The following KIF21A variants were observed in gnomAD, a reference collection of about 807,000 sequenced individuals.
The protein encoded by KIF21A is kinesin family member 21A.
KIF21A carries 114 observed loss-of-function variants against 202.9 expected under a neutral mutation model. The ratio of observed to expected loss-of-function variants is 0.56; its 90% CI spans 0.48 to 0.66. KIF21A has a LOEUF of 0.66. Ranked by LOEUF, KIF21A falls within the 30% of genes least tolerant of loss-of-function variation. The pLI, the probability that KIF21A is intolerant of heterozygous loss-of-function variation, is 0.00. For missense variants in KIF21A, 1,677 were observed against 1,994.9 expected, an observed-to-expected ratio of 0.84 and a Z score of 3.04; for synonymous variants, 667 against 670.8, an observed-to-expected ratio of 0.99 and a Z score of 0.09.
chr12:39,429,020 GT>G (rs1168334869), intron 1 of KIF21A, among the ~76,000 whole-genome samples: 2 of 151,746 alleles, frequency 1.3e-5, no homozygotes, highest in East Asian at 3.9e-4. Context: ...TTCACTTATA[GT>G]TTAAATATAA....
At chr12:39,406,747 C>T (rs1305449619) in intron 1 of KIF21A, among the ~76,000 whole-genome samples, 2 of 152,186 alleles carry the variant, frequency 1.3e-5, no homozygotes, top group Non-Finnish European at 2.9e-5. Flanking sequence ...TCCCTTTTCT[C>T]TCCTACTGCC....
At chr12:39,388,143 T>C (rs1046671952) in intron 1 of KIF21A, among the ~76,000 whole-genome samples, 1 of 152,176 alleles carries the variant, frequency 6.6e-6, no homozygotes, top group African/African-American at 2.4e-5. Flanking sequence ...GTTTGGGTCA[T>C]GGAGGTGGAT....
intron 1 of KIF21A, among the ~76,000 whole-genome samples, chr12:39,381,054 C>T (rs1365474548): frequency 6.6e-6 from 1 of 151,776 alleles, no homozygotes; most frequent in Admixed American, 6.6e-5. Flanking sequence ...GCCTGTAATC[C>T]CAGCACTTTG....
At chr12:39,375,166 G>C (rs1950192368) in intron 1 of KIF21A, among the ~76,000 whole-genome samples, 1 of 152,080 alleles carries the variant, frequency 6.6e-6, no homozygotes, top group Non-Finnish European at 1.5e-5. Flanking sequence ...TTTAGTGATT[G>C]AATATATTTA....
chr12:39,377,790 G>A (rs527862809), intron 1 of KIF21A, among the ~76,000 whole-genome samples: 1 of 152,124 alleles, frequency 6.6e-6, no homozygotes, highest in Non-Finnish European at 1.5e-5. Flanking sequence ...GTGTTCCAGG[G>A]ACTAGGGAGT....
intron 7 of KIF21A, among the ~76,000 whole-genome samples, chr12:39,360,684 C>T (rs1472194316): frequency 1.3e-5 from 2 of 152,116 alleles, no homozygotes; most frequent in Non-Finnish European, 2.9e-5. Context: ...AGCCACTGTG[C>T]CCAGCTATAA....
At chr12:39,380,487 T>G (rs1950545759) in intron 1 of KIF21A, among the ~76,000 whole-genome samples, 1 of 152,226 alleles carries the variant, frequency 6.6e-6, no homozygotes, top group African/African-American at 2.4e-5. Context: ...AGTATCATCT[T>G]TGTTGGTCAA....
chr12:39,421,723 T>TTTTATATA (rs944109985), intron 1 of KIF21A, among the ~76,000 whole-genome samples: 70 of 135,026 alleles, frequency 5.2e-4, no homozygotes, highest in African/African-American at 1.8e-3. Context: ...TATATATAAT[T>TTTTATATA]TATATATATA....
intron 1 of KIF21A, among the ~76,000 whole-genome samples, chr12:39,394,338 T>C (rs1951579723): frequency 6.6e-6 from 1 of 152,246 alleles, no homozygotes; most frequent in Middle Eastern, 3.2e-3. Context: ...AGAAACTGCA[T>C]GTGGCTCTAT....
At chr12:39,314,460 G>C (rs1944320650) in intron 31 of KIF21A, among the ~76,000 whole-genome samples, 1 of 151,644 alleles carries the variant, frequency 6.6e-6, no homozygotes, top group South Asian at 2.1e-4. Context: ...ATATTGAAAA[G>C]GTATGATTCT....
At chr12:39,348,129 C>T (rs2138586062) in intron 11 of KIF21A, among the ~76,000 whole-genome samples, 1 of 152,128 alleles carries the variant, frequency 6.6e-6, no homozygotes, top group African/African-American at 2.4e-5. Flanking sequence ...CCTAAATTGC[C>T]TTTTTAAAAA....
chr12:39,439,709 C>T (rs551305488), intron 1 of KIF21A, among the ~76,000 whole-genome samples: 2 of 152,170 alleles, frequency 1.3e-5, no homozygotes, highest in Non-Finnish European at 2.9e-5. Flanking sequence ...ATAGCAAGGG[C>T]TGTTATCCAA....
intron 1 of KIF21A, among the ~76,000 whole-genome samples, chr12:39,431,076 T>C (rs1465357621): frequency 1.3e-5 from 2 of 152,186 alleles, no homozygotes; most frequent in Non-Finnish European, 2.9e-5. Context: ...CTAGATCCCA[T>C]GTGATTTTAG....
chr12:39,369,461 CA>C (rs36082101), intron 3 of KIF21A, among the ~76,000 whole-genome samples: 28 of 151,432 alleles, frequency 1.8e-4, no homozygotes, highest in Non-Finnish European at 3.5e-4. Context: ...CTCTTATCTC[CA>C]AAAAAATGGG....
intron 1 of KIF21A, among the ~76,000 whole-genome samples, chr12:39,429,601 A>G (rs117173220): frequency 0.011 from 1,721 of 152,328 alleles, 20 homozygotes; most frequent in Middle Eastern, 0.031. Flanking sequence ...CATTATTCTG[A>G]GTGCTTTATG....
chr12:39,362,231 A>G (rs1215282430), intron 7 of KIF21A, among the ~76,000 whole-genome samples: 3 of 152,166 alleles, frequency 2.0e-5, no homozygotes, highest in Non-Finnish European at 4.4e-5. Context: ...TTTCTGTATA[A>G]ATTACCCAGT....
At chr12:39,316,115 TG>T in intron 29 of KIF21A, 145 bp from the exon 30 acceptor site, 1 of 712,540 alleles carries the variant, frequency 1.4e-6, no homozygotes, top group Non-Finnish European at 2.6e-6. Flanking sequence ...CTACTTGCAC[TG>T]GATATTAGCA....
Position 39,307,572 on chromosome 12 carries a change from G to T in KIF21A, c.4435C>A (p.Leu1479Ile). The change falls in exon 34 of 38, where the codon CTT becomes ATT. Residue 1479 changes from leucine to isoleucine, a missense_variant. By Grantham distance (5) the Leu-to-Ile change is conservative (BLOSUM62 2). Transcript: ENST00000361418. ...TTTCTTAAAAATATCTACCTTTTAAGATCCCACATCCTGACAGCATTTCCA... is the reference window on the plus strand; with the variant it reads ...TTTCTTAAAAATATCTACCTTTTAATATCCCACATCCTGACAGCATTTCCA... ...ASGNAVRMWD[L>I]KRFQSTGKLT... The T allele has an allele frequency of 1.2e-6, 2 of 1,613,956 alleles. No homozygotes were observed. The highest frequency in any genetic ancestry group is 1.7e-6 in the Non-Finnish European group (2 of 1,179,874).
At chr12:39,358,036 G>A (rs2138866751) in intron 8 of KIF21A, 142 bp downstream of exon 8, 1 of 673,534 alleles carries the variant, frequency 1.5e-6, no homozygotes, top group South Asian at 1.6e-5. Context: ...GAAAACTAGA[G>A]ACTCTTACCT....
Sources: gnomAD v4.1 joint callset for allele counts (sites outside exome capture counted in the v4.1 genomes callset) on GRCh38, gnomAD v4.1.1 for gene constraint, MANE v1.5 for transcripts, NCBI Gene and HGNC (gene_info 2026-07-23, HGNC 2026-07-21) for gene names.